The following THSD7B variants were observed in gnomAD, a reference collection of about 807,000 sequenced individuals.
The protein encoded by THSD7B is thrombospondin type 1 domain containing 7B.
In THSD7B, 138 loss-of-function variants were observed where a neutral mutation model predicts 213.6. That is an observed-to-expected ratio of 0.65 (90% CI 0.56 to 0.74). THSD7B has a LOEUF of 0.74. THSD7B is among the 30% of genes least tolerant of loss of function. The pLI, the probability that THSD7B is intolerant of heterozygous loss-of-function variation, is 0.00. For missense variants in THSD7B, 1,931 were observed against 1,991.5 expected (o/e 0.97, Z 0.58); for synonymous variants, 742 against 687.0 (o/e 1.08, Z -1.25).
chr2:137,020,315 G>A (rs888092748), intron 2 of THSD7B, among the ~76,000 whole-genome samples: 1 of 152,196 alleles, frequency 6.6e-6, no homozygotes, highest in African/African-American at 2.4e-5. Context: ...GGCACATAAA[G>A]CCTGGAGGCA....
chr2:136,972,237 G>A (rs1280032290), intron 2 of THSD7B, among the ~76,000 whole-genome samples: 3 of 152,228 alleles, frequency 2.0e-5, no homozygotes, highest in Non-Finnish European at 2.9e-5. Context: ...GGTAGTGAGA[G>A]CTATGTTCTC....
intron 3 of THSD7B, among the ~76,000 whole-genome samples, chr2:137,057,837 A>C (rs1230114504): frequency 5.3e-5 from 8 of 152,234 alleles, no homozygotes; most frequent in Non-Finnish European, 7.3e-5. Flanking sequence ...TGGAGAAGAA[A>C]TAAACTATTA....
intron 1 of THSD7B, among the ~76,000 whole-genome samples, chr2:136,800,488 T>A (rs1682156773): frequency 6.6e-6 from 1 of 152,004 alleles, no homozygotes; most frequent in African/African-American, 2.4e-5. Context: ...TAGTCCAGCT[T>A]GTGGCTTCCA....
At chr2:137,284,789 T>C (rs1683126263) in intron 12 of THSD7B, among the ~76,000 whole-genome samples, 1 of 152,152 alleles carries the variant, frequency 6.6e-6, no homozygotes, top group Non-Finnish European at 1.5e-5. Flanking sequence ...TTCTGTTCTT[T>C]TACATTTGCT....
chr2:136,814,977 C>T, intron 1 of THSD7B, among the ~76,000 whole-genome samples: 1 of 152,030 alleles, frequency 6.6e-6, no homozygotes. Flanking sequence ...TGTTTGTGGT[C>T]AAGTTTTATT....
chr2:137,361,971 G>T (rs924130570), intron 12 of THSD7B, among the ~76,000 whole-genome samples: 3 of 151,914 alleles, frequency 2.0e-5, no homozygotes, highest in African/African-American at 7.3e-5. Context: ...AAATGTTAAG[G>T]GCAGCCAGAG....
At chr2:136,767,979 G>C (rs981577330) in intron 1 of THSD7B, among the ~76,000 whole-genome samples, 1 of 152,202 alleles carries the variant, frequency 6.6e-6, no homozygotes, top group African/African-American at 2.4e-5. Context: ...GAGGAACACT[G>C]TTAGACAGGT....
At chr2:137,163,334 C>T (rs1680055608) in intron 6 of THSD7B, among the ~76,000 whole-genome samples, 2 of 152,138 alleles carry the variant, frequency 1.3e-5, no homozygotes, top group South Asian at 4.1e-4. Context: ...AGGATTATTT[C>T]AGAAGTAATG....
intron 7 of THSD7B, among the ~76,000 whole-genome samples, chr2:137,187,186 T>G (rs539133675): frequency 7.2e-5 from 11 of 152,292 alleles, no homozygotes; most frequent in Admixed American, 7.2e-4. Context: ...CCTTTGACAT[T>G]GGATAGCTAT....
intron 4 of THSD7B, among the ~76,000 whole-genome samples, chr2:137,103,399 C>A (rs992541269): frequency 2.0e-5 from 3 of 151,938 alleles, no homozygotes; most frequent in Non-Finnish European, 4.4e-5. Flanking sequence ...AATATGGAGA[C>A]GAAAATCCAG....
At chr2:137,628,572 T>C (rs1025527132) in intron 20 of THSD7B, among the ~76,000 whole-genome samples, 6 of 150,048 alleles carry the variant, frequency 4.0e-5, no homozygotes, top group Admixed American at 3.3e-4. Flanking sequence ...GCGTCAGTGA[T>C]GTCTTTCATT....
At chr2:137,490,521 A>G (rs1387270815) in intron 15 of THSD7B, among the ~76,000 whole-genome samples, 1 of 152,194 alleles carries the variant, frequency 6.6e-6, no homozygotes, top group African/African-American at 2.4e-5. Flanking sequence ...TTTCCCATAT[A>G]GCCTCAGCCC....
intron 17 of THSD7B, among the ~76,000 whole-genome samples, chr2:137,595,077 A>G (rs1023630872): frequency 6.6e-6 from 1 of 151,964 alleles, no homozygotes; most frequent in African/African-American, 2.4e-5. Flanking sequence ...TGCTAAATTC[A>G]CTGCTACTAA....
At chr2:137,640,931 A>C (rs1259274987) in intron 20 of THSD7B, among the ~76,000 whole-genome samples, 1 of 152,232 alleles carries the variant, frequency 6.6e-6, no homozygotes, top group African/African-American at 2.4e-5. Context: ...AGTTTTCTTC[A>C]AGGATACTCT....
intron 2 of THSD7B, among the ~76,000 whole-genome samples, chr2:136,906,936 G>GTTTTTTTTTTTTTTTTTTTTTTTTTTTTT (rs57887270): frequency 1.8e-5 from 1 of 55,096 alleles, no homozygotes; most frequent in Non-Finnish European, 2.8e-5. Context: ...ACATTTCAAG[G>GTTTTTTTTTTTTTTTTTTTTTTTTTTTTT]TTTTTTTTTT....
chr2:137,314,819 G>T (rs563880926), intron 12 of THSD7B, among the ~76,000 whole-genome samples: 1 of 152,166 alleles, frequency 6.6e-6, no homozygotes, highest in African/African-American at 2.4e-5. Flanking sequence ...TAGGCTGCTC[G>T]GGGGTCAGGG....
chr2:137,547,524 A>C (rs1680765059), intron 15 of THSD7B, among the ~76,000 whole-genome samples: 1 of 151,882 alleles, frequency 6.6e-6, no homozygotes, highest in South Asian at 2.1e-4. Flanking sequence ...CATTATTTTC[A>C]TTTTTGTCTT....
At chr2:137,060,066 A>G (rs1272308341) in intron 3 of THSD7B, among the ~76,000 whole-genome samples, 1 of 152,106 alleles carries the variant, frequency 6.6e-6, no homozygotes, top group East Asian at 1.9e-4. Flanking sequence ...CCATTCGAAT[A>G]GGTGTGTAAT....
chr2:137,166,788 T>C (rs1680139541), intron 6 of THSD7B, among the ~76,000 whole-genome samples: 1 of 152,238 alleles, frequency 6.6e-6, no homozygotes, highest in East Asian at 1.9e-4. Context: ...GAGAAGTCTA[T>C]AAAATCATTT....
Sources: allele counts gnomAD v4.1 joint callset (sites outside exome capture counted in the v4.1 genomes callset), GRCh38; gene constraint gnomAD v4.1.1; transcripts MANE v1.5; gene names NCBI Gene and HGNC (gene_info 2026-07-23, HGNC 2026-07-21).